The following ERGIC2 variants were observed in gnomAD, a reference collection of about 807,000 sequenced individuals.
The protein encoded by ERGIC2 is endoplasmic reticulum-Golgi intermediate compartment protein 2.
A neutral mutation model predicts 52.5 loss-of-function variants in ERGIC2; 31 were observed. The observed-to-expected ratio is 0.59, with a 90% CI of 0.44 to 0.80. The LOEUF (loss-of-function observed/expected upper bound fraction) is 0.80. Among genes scored for constraint, ERGIC2 ranks in the 30% least tolerant of loss-of-function variants. ERGIC2 has a pLI of 0.00. For synonymous variants in ERGIC2, 129 were observed against 140.6 expected (o/e 0.92, Z 0.58); for missense variants, 395 against 455.2 (o/e 0.87, Z 1.20).
chr12:29,378,763 A>T (rs1940547934), intron 1 of ERGIC2, among the ~76,000 whole-genome samples: 1 of 152,190 alleles, frequency 6.6e-6, no homozygotes, highest in Non-Finnish European at 1.5e-5. Flanking sequence ...TATAAATGTG[A>T]GTTTATAATC....
intron 1 of ERGIC2, among the ~76,000 whole-genome samples, chr12:29,376,958 T>C (rs1940523293): frequency 6.6e-6 from 1 of 152,198 alleles, no homozygotes; most frequent in South Asian, 2.1e-4. Flanking sequence ...TATGAAATGA[T>C]AAAAACAGAT....
rs1565548096 is a variant in ERGIC2, at chr12:29,380,056, TTAA to T, written c.-38+1056_-38+1058del. On this transcript the variant is annotated intron_variant, in intron 1 of 13. Coordinates refer to ENST00000360150, the MANE Select transcript of ERGIC2 (RefSeq NM_016570.3). Reference sequence around the variant, plus strand: ...ACTGTATACTAAAGTTCACCATCATTTAAAAAAAAAAAAAAAATCCTCCTCTCT... The same window carrying T: ...ACTGTATACTAAAGTTCACCATCATTAAAAAAAAAAAAAATCCTCCTCTCT... Among the ~76,000 whole-genome samples, 2 of 5,900 alleles carry T rather than the reference TTAA, an allele frequency of 3.4e-4. 1 individual carries two copies. Among genetic ancestry groups the T allele is most frequent in the South Asian group, 0.034 (2 of 58 alleles). The allele number at this position is 5,900 out of a possible 152,430, so 3.9% of individuals were successfully genotyped here.
chr12:29,377,102 T>C (rs1940525589), intron 1 of ERGIC2, among the ~76,000 whole-genome samples: 1 of 152,162 alleles, frequency 6.6e-6, no homozygotes, highest in African/African-American at 2.4e-5. Flanking sequence ...TACATTTTCT[T>C]GTATTGGTCC....
Position 29,340,389 on chromosome 12 carries a change from ATC to A in ERGIC2, c.*765_*766del, listed in dbSNP as rs1397786244. ...TAATGATTAGATTAAAAAACTTGGC[ATC>A]TTTTTTAAAAAAATGTGCTTTCTTT... On this transcript the variant is annotated 3_prime_UTR_variant, in exon 14 of 14. Coordinates refer to ENST00000360150, the MANE Select transcript of ERGIC2 (RefSeq NM_016570.3). The A allele has an allele frequency of 6.6e-6, 1 of 152,364 alleles. No individual in the cohort carries two copies. The highest frequency in any genetic ancestry group is 1.5e-5 in the Non-Finnish European group (1 of 68,154). The allele number at this position is 152,364 out of a possible 1,614,324, so 9.4% of individuals were successfully genotyped here. A position where few individuals can be genotyped will look rare whatever the true frequency, so the allele number is the denominator to read the frequency against.
chr12:29,362,694 C>T (rs1002690640), intron 5 of ERGIC2, among the ~76,000 whole-genome samples: 7 of 152,052 alleles, frequency 4.6e-5, no homozygotes, highest in African/African-American at 9.7e-5. Flanking sequence ...CATGCCTCTC[C>T]GGTAACTGTG....
Position 29,339,949 on chromosome 12 carries a change from ATTGG to A in ERGIC2, c.*1203_*1206del, listed in dbSNP as rs1229414107. On this transcript the variant is annotated 3_prime_UTR_variant, in exon 14 of 14. Transcript: ENST00000360150. ...TCAGTACTACAAAAGGAAAACTGAT[ATTGG>A]TACACATATTCCAAATACAGCTTTT... is the stretch of plus-strand genomic sequence containing the variant. 6.6e-6 allele frequency: 1 copy of A among 152,174 alleles called. No homozygotes were observed. Among genetic ancestry groups the A allele is most frequent in the African/African-American group, 2.4e-5 (1 of 41,452 alleles). 9.4% of individuals were successfully genotyped at this position (152,174 alleles called of 1,614,324 possible).
rs528892590 is a variant in ERGIC2 at position 29,358,492 on chromosome 12, T to C, written c.375-768A>G. On this transcript the variant is annotated intron_variant, in intron 6 of 13. Transcript: ENST00000360150. ...TATACATTTGTCAGAACTCACAGAATGTACGTTCAACACCAAGAACGAACT... is the reference window on the plus strand; with the variant it reads ...TATACATTTGTCAGAACTCACAGAACGTACGTTCAACACCAAGAACGAACT... 8.7e-4 allele frequency among the ~76,000 whole-genome samples: 132 copies of C among 152,246 alleles called. No individual in the cohort carries two copies. The South Asian group carries it at 0.018, about 21-fold the overall frequency.
At chr12:29,371,275 A>G (rs1940436217) in intron 2 of ERGIC2, among the ~76,000 whole-genome samples, 1 of 152,184 alleles carries the variant, frequency 6.6e-6, no homozygotes, top group Admixed American at 6.5e-5. Context: ...AGGGCAGCAA[A>G]GCAGAAACAT....
intron 1 of ERGIC2, among the ~76,000 whole-genome samples, chr12:29,375,297 G>C (rs899045725): frequency 2.0e-5 from 3 of 152,138 alleles, no homozygotes; most frequent in African/African-American, 7.2e-5. Context: ...CCACCGGATT[G>C]TTAGAGCAGG....
chr12:29,338,645 T>TA lies in ERGIC2; in HGVS notation c.*2510dup, dbSNP rs202108442. On this transcript the variant is annotated 3_prime_UTR_variant, in exon 14 of 14. Coordinates refer to ENST00000360150, the MANE Select transcript of ERGIC2 (RefSeq NM_016570.3). Reference sequence around the variant, plus strand: ...GGCAACAGTGCGAGACCCCATCTCTTAAAAAAAAAAAGAGAAAGGGAATTT... The same window carrying TA: ...GGCAACAGTGCGAGACCCCATCTCTTAAAAAAAAAAAAGAGAAAGGGAATTT... 606 of 144,590 alleles carry TA rather than the reference T, an allele frequency of 4.2e-3. No homozygotes were observed. The highest frequency in any genetic ancestry group is 0.018 in the Middle Eastern group (5 of 284). 9.0% of individuals were successfully genotyped at this position (144,590 alleles called of 1,614,324 possible).
chr12:29,374,877 C>G (rs1467592081), intron 1 of ERGIC2, among the ~76,000 whole-genome samples: 1 of 152,022 alleles, frequency 6.6e-6, no homozygotes. Context: ...AATAAATTAT[C>G]TTTTTAATAC....
chr12:29,356,647 T>C (rs759728554), intron 7 of ERGIC2, among the ~76,000 whole-genome samples, 170 bp from the exon 8 acceptor site: 1 of 152,166 alleles, frequency 6.6e-6, no homozygotes, highest in Non-Finnish European at 1.5e-5. Context: ...AAATTATACA[T>C]CTATAAAATG....
At chr12:29,376,504 C>T (rs12297776) in intron 1 of ERGIC2, among the ~76,000 whole-genome samples, 22,774 of 152,084 alleles carry the variant, frequency 0.15, 2,176 homozygotes, top group African/African-American at 0.27. Context: ...CTTAACAGCG[C>T]TTCTCCTCCT....
intron 5 of ERGIC2, among the ~76,000 whole-genome samples, chr12:29,365,916 T>C (rs1940355752): frequency 6.6e-6 from 1 of 151,884 alleles, no homozygotes; most frequent in Non-Finnish European, 1.5e-5. Flanking sequence ...AAAGTTACTG[T>C]TTCTGTAGAA....
intron 13 of ERGIC2, among the ~76,000 whole-genome samples, chr12:29,341,421 C>T (rs1454768771): frequency 0.01 from 1 of 96 alleles, no homozygotes; most frequent in Admixed American, 0.25. Flanking sequence ...GGCTGGAGTG[C>T]AGTGGTACGT....
At chr12:29,370,661 T>C (rs1762061467) in intron 2 of ERGIC2, among the ~76,000 whole-genome samples, 1 of 151,926 alleles carries the variant, frequency 6.6e-6, no homozygotes, top group Non-Finnish European at 1.5e-5. Flanking sequence ...TAAATGTATA[T>C]AAATTGGGCT....
At chr12:29,359,254 ATCTTTGGAT>A (rs1277772160) in intron 6 of ERGIC2, among the ~76,000 whole-genome samples, 2 of 151,930 alleles carry the variant, frequency 1.3e-5, no homozygotes, top group African/African-American at 4.8e-5. Flanking sequence ...TTGACATTGA[ATCTTTGGAT>A]TCAATGCCAG....
chr12:29,368,217 T>A, intron 4 of ERGIC2, 24 bp downstream of exon 4: 1 of 1,470,032 alleles, frequency 6.8e-7, no homozygotes, highest in South Asian at 1.2e-5. Context: ...ACATGTGGAT[T>A]CAGCAAGTTG....
At chr12:29,343,094 T>A (rs541807330) in intron 12 of ERGIC2, 26 bp downstream of exon 12, 5 of 1,539,096 alleles carry the variant, frequency 3.2e-6, no homozygotes, top group Non-Finnish European at 8.8e-7. Context: ...TTTCAGAAAT[T>A]AGACAAAAAG....
Sources: gnomAD v4.1 joint callset for allele counts (sites outside exome capture counted in the v4.1 genomes callset) on GRCh38, gnomAD v4.1.1 for gene constraint, MANE v1.5 for transcripts, NCBI Gene and HGNC (gene_info 2026-07-23, HGNC 2026-07-21) for gene names.